HECTD4: variants seen among roughly 807,000 people sequenced by gnomAD.
HECTD4 encodes HECT domain E3 ubiquitin protein ligase 4, also known as probable E3 ubiquitin-protein ligase HECTD4.
HECTD4 carries 114 observed loss-of-function variants against 471.5 expected under a neutral mutation model. The ratio of observed to expected loss-of-function variants is 0.24; its 90% CI spans 0.21 to 0.28. The LOEUF (loss-of-function observed/expected upper bound fraction) is 0.28. Among genes scored for constraint, HECTD4 ranks in the 10% least tolerant of loss-of-function variants. The pLI is 1.00. For synonymous variants in HECTD4, 2,012 were observed against 2,256.0 expected, an observed-to-expected ratio of 0.89 and a Z score of 3.07; for missense variants, 3,866 against 5,651.5, an observed-to-expected ratio of 0.68 and a Z score of 10.13.
chr12:112,363,105 AAT>A (rs1037449343), intron 1 of HECTD4, among the ~76,000 whole-genome samples: 2 of 152,192 alleles, frequency 1.3e-5, no homozygotes, highest in Admixed American at 1.3e-4. Flanking sequence ...AATTATAATC[AAT>A]AGTTTTATTA....
rs2033582783 is a variant in HECTD4, at chr12:112,239,121, C to T, written c.5221G>A (p.Val1741Met). The T allele has an allele frequency of 6.2e-7, 1 of 1,613,836 alleles. No individual in the cohort carries two copies. The highest frequency in any genetic ancestry group is 8.5e-7 in the Non-Finnish European group (1 of 1,179,866). Residue 1741 changes from valine (V) to methionine (M), a missense_variant, in exon 34 of 76, where the codon GTG (valine) becomes ATG (methionine). Transcript: ENST00000682272. This position sits in a 1 kb window ranked among gnomAD's most constrained non-coding sequence, Gnocchi z 4.9. ...AAGGCAGCCCAGGCCATGGTGGCCA[C>T]CTTCTGCTTCTTGGTCTGTTTCTCA... Reference protein sequence around the residue: ...SSEKQTKKQKVATMAWAAFQV... With the variant: ...SSEKQTKKQKMATMAWAAFQV...
chr12:112,220,736 G>A (rs756576148), intron 44 of HECTD4, among the ~76,000 whole-genome samples: 2 of 152,156 alleles, frequency 1.3e-5, no homozygotes, highest in South Asian at 2.1e-4. Context: ...GGCAGAGGTT[G>A]CAGTGAGCTG....
intron 1 of HECTD4, among the ~76,000 whole-genome samples, chr12:112,368,400 C>T (rs1416906377): frequency 1.3e-5 from 2 of 152,168 alleles, no homozygotes; most frequent in Non-Finnish European, 2.9e-5. Flanking sequence ...AAAATCACTA[C>T]AAATTTATAA....
chr12:112,216,459 G>C (rs1222304866), intron 47 of HECTD4, 88 bp from the exon 48 acceptor site: 9 of 895,686 alleles, frequency 1.0e-5, no homozygotes, highest in Admixed American at 4.1e-5. Context: ...TGAAGTGGAG[G>C]GGGGGTGGTC....
intron 62 of HECTD4, among the ~76,000 whole-genome samples, chr12:112,180,769 T>C (rs1409321313): frequency 6.6e-6 from 1 of 151,982 alleles, no homozygotes; most frequent in Non-Finnish European, 1.5e-5. Context: ...TGACATCGAC[T>C]TTGGGGGCAG....
Position 112,208,642 on chromosome 12 carries a change from C to A in HECTD4, c.7868-12G>T. The A allele has an allele frequency of 6.5e-7, 1 of 1,541,200 alleles. No homozygotes were observed. Among genetic ancestry groups the A allele is most frequent in the South Asian group, 1.3e-5 (1 of 77,690 alleles). On this transcript the variant is annotated splice_polypyrimidine_tract_variant and intron_variant, in intron 50 of 75. Coordinates refer to ENST00000682272, the MANE Select transcript of HECTD4 (RefSeq NM_001388303.1). ...GTCACTATCATATTCTGTAACAGAG[C>A]ACAAGGACAGCGAATTCTAAACAAG...
Position 112,162,834 on chromosome 12 carries a change from T to C in HECTD4, c.13120+208A>G. ...AGAAGATTTGAAGCATTCTGGATTT[T>C]CAGCTTCTTTTAAGATATGAGAAAG... On this transcript the variant is annotated intron_variant, in intron 75 of 75. Coordinates refer to ENST00000682272, the MANE Select transcript of HECTD4 (RefSeq NM_001388303.1). The surrounding 1 kb of genome is among the most constrained non-coding windows in gnomAD (Gnocchi z 5.2). 1.8e-6 allele frequency: 1 copy of C among 561,630 alleles called. No homozygotes were observed. Among genetic ancestry groups the C allele is most frequent in the South Asian group, 2.6e-5 (1 of 38,006 alleles). 34.8% of individuals were successfully genotyped at this position (561,630 alleles called of 1,614,324 possible).
chr12:112,231,447 A>G, intron 39 of HECTD4, 66 bp downstream of exon 39: 1 of 1,501,852 alleles, frequency 6.7e-7, no homozygotes, highest in African/African-American at 1.4e-5. Context: ...TAAAAAGCTA[A>G]AAACAAACCC....
chr12:112,216,637 C>A (rs2032925425), intron 47 of HECTD4, 136 bp downstream of exon 47: 1 of 1,078,758 alleles, frequency 9.3e-7, no homozygotes. Flanking sequence ...CTGGAAATCT[C>A]CAGAAAGGAA....
chr12:112,367,112 G>A (rs577578395), intron 1 of HECTD4, among the ~76,000 whole-genome samples: 6 of 151,254 alleles, frequency 4.0e-5, no homozygotes, highest in South Asian at 2.1e-4. Context: ...GACCCGTCTG[G>A]CCAACATGGT....
chr12:112,261,875 A>T (rs1025832939), intron 17 of HECTD4: 1 of 153,542 alleles, frequency 6.5e-6, no homozygotes, highest in Non-Finnish European at 1.4e-5. Flanking sequence ...GGTGAATAAA[A>T]TGAGACAAAA....
intron 29 of HECTD4, among the ~76,000 whole-genome samples, chr12:112,244,517 C>T (rs1312203302): frequency 6.6e-6 from 1 of 152,004 alleles, no homozygotes; most frequent in Admixed American, 6.6e-5. Context: ...TACAGGCGTG[C>T]ACCACCACGC....
At chr12:112,218,854 C>A (rs1176401948) in intron 45 of HECTD4, among the ~76,000 whole-genome samples, 31 of 152,100 alleles carry the variant, frequency 2.0e-4, no homozygotes. Context: ...CCTGCCTCAG[C>A]CTCCCAAGTA....
chr12:112,208,150 C>T (rs564057766), intron 51 of HECTD4, 150 bp from the exon 52 acceptor site: 6 of 897,018 alleles, frequency 6.7e-6, no homozygotes, highest in South Asian at 2.0e-5. Context: ...ACTAGATACA[C>T]CCCCAGATGC....
intron 32 of HECTD4, among the ~76,000 whole-genome samples, chr12:112,241,191 G>A (rs1469548880): frequency 6.6e-6 from 1 of 151,900 alleles, no homozygotes; most frequent in Non-Finnish European, 1.5e-5. Flanking sequence ...TTTTTTTCAA[G>A]TTTCTGACAA....
At chr12:112,181,091 C>T (rs2031652992) in intron 62 of HECTD4, among the ~76,000 whole-genome samples, 1 of 151,584 alleles carries the variant, frequency 6.6e-6, no homozygotes, top group Admixed American at 6.6e-5. Context: ...CTGCTTGAAC[C>T]CGGGAGGTGG....
At chr12:112,293,319 C>T (rs1046866985) in intron 7 of HECTD4, among the ~76,000 whole-genome samples, 6 of 148,322 alleles carry the variant, frequency 4.0e-5, no homozygotes, top group South Asian at 2.1e-4. Flanking sequence ...GAGCCGAGAT[C>T]GCACCATTGC....
At chr12:112,330,144 A>T (rs2035820037) in intron 1 of HECTD4, among the ~76,000 whole-genome samples, 2 of 151,810 alleles carry the variant, frequency 1.3e-5, no homozygotes, top group African/African-American at 4.8e-5. Flanking sequence ...GGGCGTGGTG[A>T]TGGGCGCCTG....
At position 112,313,141 on chromosome 12, in the gene HECTD4, C is replaced by T. The variant is rs1367057620; in HGVS notation, c.792G>A (p.Leu264=). ...LPVADVLYRL[L]LLEGGPGSPS... is the part of the protein sequence containing the mutation. The stretch of plus-strand genomic sequence containing the variant: ...GAGATCCAGGCCCCCCTTCCAAAAG[C>T]AACAGCCTATATGGGGGAGAAAGAA... The change falls in exon 4 of 76, where the codon TTG becomes TTA. Residue 264 remains leucine, a synonymous_variant. Coordinates refer to ENST00000682272, the MANE Select transcript of HECTD4 (RefSeq NM_001388303.1). 1.4e-5 allele frequency: 22 copies of T among 1,535,150 alleles called. No individual in the cohort carries two copies. The highest frequency in any genetic ancestry group is 1.8e-5 in the Non-Finnish European group (21 of 1,146,480).
Sources: allele counts gnomAD v4.1 joint callset (sites outside exome capture counted in the v4.1 genomes callset), GRCh38; gene constraint gnomAD v4.1.1; non-coding constraint Gnocchi (gnomAD v3.1); transcripts MANE v1.5; gene names NCBI Gene and HGNC (gene_info 2026-07-23, HGNC 2026-07-21).